Variants in PCDHGB3 observed in about 807,000 individuals in gnomAD.
PCDHGB3 encodes protocadherin gamma subfamily B, 3, also known as protocadherin gamma-B3.
PCDHGB3 carries 40 observed loss-of-function variants against 59.2 expected under a neutral mutation model. That is an observed-to-expected ratio of 0.68 (90% CI 0.52 to 0.88). The LOEUF (loss-of-function observed/expected upper bound fraction) is 0.88. PCDHGB3 is among the 40% of genes least tolerant of loss of function. The pLI is 0.00. For synonymous variants in PCDHGB3, 581 were observed against 503.6 expected, an observed-to-expected ratio of 1.15 and a Z score of -2.06; for missense variants, 1,309 against 1,187.9, an observed-to-expected ratio of 1.10 and a Z score of -1.50.
Position 141,370,983 on chromosome 5 carries a change from A to G in PCDHGB3, c.589A>G (p.Lys197Glu), listed in dbSNP as rs200655179. Reference sequence around the variant, plus strand: ...CAGTAGGTACCCAGAGCTAGTACTGAAAGCACCCCTGGACAGGGAAGAGCA... The same window carrying G: ...CAGTAGGTACCCAGAGCTAGTACTGGAAGCACCCCTGGACAGGGAAGAGCA... ...DGSRYPELVLKAPLDREEQPH... is the reference protein window; with the variant it reads ...DGSRYPELVLEAPLDREEQPH... The change falls in exon 1 of 4, where the codon AAA (lysine) becomes GAA (glutamate). Residue 197 changes from lysine (K) to glutamate (E), a missense_variant. Coordinates refer to ENST00000576222, the MANE Select transcript of PCDHGB3 (RefSeq NM_018924.5). 112 of 1,613,998 alleles carry G rather than the reference A, an allele frequency of 6.9e-5. No homozygotes were observed. In the African/African-American group the frequency reaches 1.3e-3, roughly 19 times the overall value.
Position 141,491,531 on chromosome 5 carries a change from T to G in PCDHGB3, c.2416-3276T>G, listed in dbSNP as rs532897059. On this transcript the variant is annotated intron_variant, in intron 1 of 3. Coordinates refer to ENST00000576222, the MANE Select transcript of PCDHGB3 (RefSeq NM_018924.5). This position sits in a 1 kb window ranked among gnomAD's most constrained non-coding sequence, Gnocchi z 6.9. ...ACGCTCAAGTACATGGAGGTGACGC[T>G]GCGGCCCACAGACTCGCAGAGCCAC... The G allele has an allele frequency of 6.2e-7, 1 of 1,614,044 alleles. No homozygotes were observed. The highest frequency in any genetic ancestry group is 1.7e-5 in the Admixed American group (1 of 60,028).
Position 141,493,554 on chromosome 5 carries a change from G to A in PCDHGB3, c.2416-1253G>A, listed in dbSNP as rs2099748882. The stretch of plus-strand genomic sequence containing the variant: ...GGCCAGTTATCCTTTTGGAGATTGA[G>A]TTCCCCCAGCTCCGTTTCCTCCTAT... On this transcript the variant is annotated intron_variant, in intron 1 of 3. Coordinates refer to ENST00000576222, the MANE Select transcript of PCDHGB3 (RefSeq NM_018924.5). The surrounding 1 kb of genome is among the most constrained non-coding windows in gnomAD (Gnocchi z 4.3). 6.6e-6 allele frequency among the ~76,000 whole-genome samples: 1 copy of A among 152,166 alleles called. No homozygotes were observed. Among genetic ancestry groups the A allele is most frequent in the Admixed American group, 6.5e-5 (1 of 15,282 alleles).
chr5:141,489,297 G>T lies in PCDHGB3; in HGVS notation c.2416-5510G>T. On this transcript the variant is annotated intron_variant, in intron 1 of 3. Transcript: ENST00000576222. This position sits in a 1 kb window ranked among gnomAD's most constrained non-coding sequence, Gnocchi z 4.5. Reference sequence around the variant, plus strand: ...GGAAATGGCAAGTGCTGTGCATGTTGTCCTTGTGCTGCTGGGGCTGGGTGT... The same window carrying T: ...GGAAATGGCAAGTGCTGTGCATGTTTTCCTTGTGCTGCTGGGGCTGGGTGT... 1.9e-6 allele frequency: 3 copies of T among 1,583,774 alleles called. No homozygotes were observed. Among genetic ancestry groups the T allele is most frequent in the Non-Finnish European group, 8.6e-7 (1 of 1,164,904 alleles).
At chr5:141,403,758 T>C (rs1022850868) in intron 1 of PCDHGB3, 18 of 1,613,804 alleles carry the variant, frequency 1.1e-5, no homozygotes, top group Non-Finnish European at 1.4e-5. Flanking sequence ...GCCAGCGACC[T>C]GGATGAGGGA....
Position 141,485,063 on chromosome 5 carries a change from A to C in PCDHGB3, c.2416-9744A>C. On this transcript the variant is annotated intron_variant, in intron 1 of 3. Transcript: ENST00000576222. This position sits in a 1 kb window ranked among gnomAD's most constrained non-coding sequence, Gnocchi z 5.7. ...CTTGCGGCGCCGGCCGAACCGCGCC[A>C]GAGCTGGCGCGGGGAAAGGGAGATA... is the stretch of plus-strand genomic sequence containing the variant. 2 of 874,986 alleles carry C rather than the reference A, an allele frequency of 2.3e-6. No individual in the cohort carries two copies. Among genetic ancestry groups the C allele is most frequent in the Non-Finnish European group, 3.6e-6 (2 of 551,278 alleles). 54.2% of individuals were successfully genotyped at this position (874,986 alleles called of 1,614,324 possible).
intron 1 of PCDHGB3, chr5:141,393,113 G>A: frequency 1.2e-6 from 2 of 1,613,500 alleles, no homozygotes; most frequent in Non-Finnish European, 8.5e-7. Context: ...CTCAGAGCCC[G>A]CGGTGTCTGA....
chr5:141,388,212 G>C, intron 1 of PCDHGB3: 3 of 1,590,850 alleles, frequency 1.9e-6, no homozygotes, highest in Non-Finnish European at 2.6e-6. Flanking sequence ...TGAGGCTGTT[G>C]CTGAAAATCC....
intron 1 of PCDHGB3, among the ~76,000 whole-genome samples, chr5:141,483,832 G>A (rs994540286): frequency 2.0e-5 from 3 of 152,134 alleles, no homozygotes; most frequent in African/African-American, 7.2e-5. Context: ...ACCTAGGTAA[G>A]GACTTGGTTG....
chr5:141,396,943 G>A (rs1388753275), intron 1 of PCDHGB3, among the ~76,000 whole-genome samples: 6 of 152,178 alleles, frequency 3.9e-5, no homozygotes, highest in African/African-American at 1.2e-4. Flanking sequence ...TGCCCTGGTA[G>A]GAAAGAAAAT....
chr5:141,446,353 T>C (rs1278613929), intron 1 of PCDHGB3, among the ~76,000 whole-genome samples: 2 of 152,176 alleles, frequency 1.3e-5, no homozygotes, highest in Non-Finnish European at 2.9e-5. Flanking sequence ...AAGCTACCAT[T>C]TGATGAGAAT....
At chr5:141,405,649 T>C (rs954605890) in intron 1 of PCDHGB3, 14 of 527,576 alleles carry the variant, frequency 2.7e-5, no homozygotes, top group Non-Finnish European at 6.7e-6. Flanking sequence ...TAATTTTTTG[T>C]GTGTTTTTAG....
chr5:141,460,981 GTGTATATATA>G (rs1332002052), intron 1 of PCDHGB3, among the ~76,000 whole-genome samples: 6 of 121,884 alleles, frequency 4.9e-5, no homozygotes, highest in Non-Finnish European at 1.0e-4. Flanking sequence ...GTGTGTGTGT[GTGTATATATA>G]TATATGTGTA....
intron 1 of PCDHGB3, among the ~76,000 whole-genome samples, chr5:141,455,425 A>G (rs2098822334): frequency 1.3e-5 from 2 of 152,168 alleles, no homozygotes; most frequent in African/African-American, 2.4e-5. Flanking sequence ...CGGGGCTCCA[A>G]AAGAGGAGGT....
rs765563941 is a variant in PCDHGB3 at position 141,383,705 on chromosome 5, T to G, written c.2415+10896T>G. On this transcript the variant is annotated intron_variant, in intron 1 of 3. Transcript: ENST00000576222. ...CTGCTCACGGTACATGCTATCGACC[T>G]GGACGAGGGAGTCAATGGGGAAGTG... 3.1e-6 allele frequency: 5 copies of G among 1,613,902 alleles called. No homozygotes were observed. Among genetic ancestry groups the G allele is most frequent in the Non-Finnish European group, 4.2e-6 (5 of 1,179,894 alleles).
Position 141,372,091 on chromosome 5 carries a change from C to A in PCDHGB3, c.1697C>A (p.Ala566Asp). ...NDNAPLVLYP[A>D]LGPEGSALFD... ...AATGCACCGCTGGTGCTGTACCCAG[C>A]TCTGGGGCCCGAAGGCTCTGCGCTC... The change falls in exon 1 of 4, where the codon GCT becomes GAT. Residue 566 changes from alanine (A) to aspartate (D), a missense_variant. Ala to Asp is a moderately radical substitution (Grantham distance 126, BLOSUM62 -2). Coordinates refer to ENST00000576222, the MANE Select transcript of PCDHGB3 (RefSeq NM_018924.5). 2 of 1,613,774 alleles carry A rather than the reference C, an allele frequency of 1.2e-6. No individual in the cohort carries two copies. The highest frequency in any genetic ancestry group is 1.7e-6 in the Non-Finnish European group (2 of 1,179,914).
intron 1 of PCDHGB3, chr5:141,419,045 T>G (rs1473408777): frequency 6.2e-7 from 1 of 1,613,710 alleles, no homozygotes; most frequent in Non-Finnish European, 8.5e-7. Context: ...TAAGATTCAT[T>G]CTTCTTCTAA....
chr5:141,451,209 G>C (rs556588482), intron 1 of PCDHGB3, among the ~76,000 whole-genome samples: 1 of 152,266 alleles, frequency 6.6e-6, no homozygotes, highest in African/African-American at 2.4e-5. Flanking sequence ...CCAAAACTTA[G>C]TGGCTTAAAA....
At chr5:141,408,478 T>C (rs1433834175) in intron 1 of PCDHGB3, 1 of 1,614,056 alleles carries the variant, frequency 6.2e-7, no homozygotes, top group Non-Finnish European at 8.5e-7. Context: ...GAATAGACCG[T>C]GAGCAAATAT....
At chr5:141,422,394 C>T (rs898242724) in intron 1 of PCDHGB3, 1 of 1,595,520 alleles carries the variant, frequency 6.3e-7, no homozygotes, top group Non-Finnish European at 8.5e-7. Context: ...TTATTCCTAA[C>T]CACCTGCCTT....
Sources: allele counts gnomAD v4.1 joint callset (sites outside exome capture counted in the v4.1 genomes callset), GRCh38; gene constraint gnomAD v4.1.1; non-coding constraint Gnocchi (gnomAD v3.1); transcripts MANE v1.5; gene names NCBI Gene and HGNC (gene_info 2026-07-23, HGNC 2026-07-21).